Variants in EYA4 observed in about 807,000 individuals in gnomAD.
EYA4 encodes EYA transcriptional coactivator and phosphatase 4.
Under a neutral mutation model 87.9 loss-of-function variants are expected in EYA4, and 31 were observed. The ratio of observed to expected loss-of-function variants is 0.35; its 90% CI spans 0.27 to 0.48. EYA4 has a LOEUF of 0.48. EYA4 is among the 20% of genes least tolerant of loss of function. The probability of loss-of-function intolerance (pLI) is 0.99; values close to 1 mark genes in which losing one functional copy is unlikely to be tolerated. For synonymous variants in EYA4, 263 were observed against 270.6 expected, an observed-to-expected ratio of 0.97 and a Z score of 0.28; for missense variants, 678 against 761.4, an observed-to-expected ratio of 0.89 and a Z score of 1.29.
chr6:133,446,107 A>G (rs556388574), intron 3 of EYA4, among the ~76,000 whole-genome samples: 76 of 152,138 alleles, frequency 5.0e-4, no homozygotes, highest in African/African-American at 1.6e-3. Context: ...CTTTATTTCT[A>G]GCTACTGATT....
intron 2 of EYA4, among the ~76,000 whole-genome samples, chr6:133,368,751 C>T (rs1785045020): frequency 6.6e-6 from 1 of 152,154 alleles, no homozygotes; most frequent in South Asian, 2.1e-4. Context: ...CTGGGCTGAC[C>T]ATGTGCTGCA....
intron 2 of EYA4, among the ~76,000 whole-genome samples, chr6:133,338,405 A>G (rs1230237634): frequency 6.6e-6 from 1 of 152,192 alleles, no homozygotes; most frequent in African/African-American, 2.4e-5. Context: ...GTATTTTACT[A>G]TAGTTCTTCA....
At chr6:133,300,948 C>G (rs1335566379) in intron 2 of EYA4, among the ~76,000 whole-genome samples, 1 of 152,148 alleles carries the variant, frequency 6.6e-6, no homozygotes, top group African/African-American at 2.4e-5. Flanking sequence ...GTTATTTTCC[C>G]AGTCCTTATG....
chr6:133,294,697 A>G (rs896285491), intron 2 of EYA4, among the ~76,000 whole-genome samples: 2 of 151,974 alleles, frequency 1.3e-5, no homozygotes, highest in Non-Finnish European at 2.9e-5. Context: ...CCTCCAGAGT[A>G]CCTGGGACTA....
At chr6:133,282,542 A>G (rs1006312368) in intron 2 of EYA4, among the ~76,000 whole-genome samples, 4 of 152,136 alleles carry the variant, frequency 2.6e-5, no homozygotes, top group African/African-American at 9.7e-5. Context: ...TTGATTTGTT[A>G]AAATTTTTTC....
intron 3 of EYA4, among the ~76,000 whole-genome samples, chr6:133,412,167 A>G (rs958340260): frequency 1.3e-5 from 2 of 152,258 alleles, no homozygotes; most frequent in Non-Finnish European, 2.9e-5. Flanking sequence ...TTGCAAAACC[A>G]GTTTAGACAA....
intron 2 of EYA4, among the ~76,000 whole-genome samples, chr6:133,338,411 C>T (rs200501371): frequency 6.6e-6 from 1 of 152,074 alleles, no homozygotes; most frequent in East Asian, 1.9e-4. Context: ...TACTATAGTT[C>T]TTCAATGAGA....
intron 16 of EYA4, among the ~76,000 whole-genome samples, chr6:133,514,216 T>C (rs564211786): frequency 6.6e-6 from 1 of 152,304 alleles, no homozygotes; most frequent in South Asian, 2.1e-4. Flanking sequence ...CTGGGGAGAA[T>C]CTCTGATTTC....
chr6:133,474,617 C>T (rs1241265020), intron 11 of EYA4, among the ~76,000 whole-genome samples: 2 of 152,108 alleles, frequency 1.3e-5, no homozygotes, highest in Non-Finnish European at 2.9e-5. Flanking sequence ...CAACCAAAAT[C>T]GTAACAACAC....
chr6:133,358,072 G>A (rs1421824908), intron 2 of EYA4, among the ~76,000 whole-genome samples: 1 of 152,100 alleles, frequency 6.6e-6, no homozygotes, highest in Non-Finnish European at 1.5e-5. Flanking sequence ...ACCCTGAAGC[G>A]AACCTCCCGA....
chr6:133,385,438 T>TGA (rs1562358849), intron 3 of EYA4, among the ~76,000 whole-genome samples: 3 of 110,730 alleles, frequency 2.7e-5, no homozygotes, highest in African/African-American at 9.0e-5. Context: ...TGTGTGTGTG[T>TGA]GTGAGAGAGA....
intron 2 of EYA4, among the ~76,000 whole-genome samples, chr6:133,360,895 A>C (rs769509442): frequency 3.3e-5 from 5 of 152,232 alleles, no homozygotes; most frequent in Non-Finnish European, 5.9e-5. Flanking sequence ...AATAGAGAGA[A>C]CATCATTTCT....
chr6:133,344,616 G>A (rs1337050767), intron 2 of EYA4, among the ~76,000 whole-genome samples: 2 of 152,050 alleles, frequency 1.3e-5, no homozygotes, highest in East Asian at 1.9e-4. Flanking sequence ...ATTTTTAAAT[G>A]AGCTGGCATT....
chr6:133,349,719 G>A (rs1783490677), intron 2 of EYA4, among the ~76,000 whole-genome samples: 1 of 152,026 alleles, frequency 6.6e-6, no homozygotes, highest in Admixed American at 6.6e-5. Context: ...CCTAATCAGT[G>A]GGCTACATCT....
intron 3 of EYA4, among the ~76,000 whole-genome samples, chr6:133,415,734 A>G (rs1046615857): frequency 3.9e-5 from 6 of 152,188 alleles, no homozygotes; most frequent in Admixed American, 1.3e-4. Context: ...TGCACTTAGA[A>G]TGGTGCCTAG....
chr6:133,426,004 G>A (rs911890066), intron 3 of EYA4, among the ~76,000 whole-genome samples: 2 of 150,966 alleles, frequency 1.3e-5, no homozygotes. Context: ...CCATCTCCAT[G>A]CCATTGAATA....
intron 2 of EYA4, among the ~76,000 whole-genome samples, chr6:133,291,893 C>A (rs1778517361): frequency 6.6e-6 from 1 of 152,126 alleles, no homozygotes; most frequent in South Asian, 2.1e-4. Flanking sequence ...TATTTTCTTT[C>A]CATGAAATAA....
intron 3 of EYA4, among the ~76,000 whole-genome samples, chr6:133,414,180 CCTT>C (rs549124311): frequency 1.1e-3 from 174 of 152,260 alleles, no homozygotes; most frequent in Non-Finnish European, 1.9e-3. Flanking sequence ...GACATTTCCA[CCTT>C]CTTCTCCGAT....
At chr6:133,496,312 A>G (rs1321814168) in intron 13 of EYA4, among the ~76,000 whole-genome samples, 1 of 152,202 alleles carries the variant, frequency 6.6e-6, no homozygotes, top group Non-Finnish European at 1.5e-5. Flanking sequence ...TTTCCACAAT[A>G]TGCATGTTAG....
Sources: allele counts gnomAD v4.1 joint callset (sites outside exome capture counted in the v4.1 genomes callset), GRCh38; gene constraint gnomAD v4.1.1; transcripts MANE v1.5; gene names NCBI Gene and HGNC (gene_info 2026-07-23, HGNC 2026-07-21).